CCDC171: variants seen among roughly 807,000 people sequenced by gnomAD.
CCDC171 encodes the protein coiled-coil domain-containing protein 171.
CCDC171 carries 177 observed loss-of-function variants against 168.2 expected under a neutral mutation model. That is an observed-to-expected ratio of 1.05 (90% confidence interval 0.93 to 1.19). The LOEUF is 1.19. Ranked by LOEUF, CCDC171 falls within the 50% of genes most tolerant of loss-of-function variation. CCDC171 has a pLI of 0.00. For missense variants in CCDC171, 1,991 were observed against 1,539.0 expected, an observed-to-expected ratio of 1.29 and a Z score of -4.91; for synonymous variants, 687 against 540.8, an observed-to-expected ratio of 1.27 and a Z score of -3.75.
At chr9:15,843,469 G>C (rs1040741701) in intron 21 of CCDC171, among the ~76,000 whole-genome samples, 1 of 151,662 alleles carries the variant, frequency 6.6e-6, no homozygotes, top group Non-Finnish European at 1.5e-5. Context: ...TTTTTTCTTG[G>C]TAAGTATTAA....
intron 21 of CCDC171, among the ~76,000 whole-genome samples, chr9:15,836,392 G>GTC (rs908555250): frequency 1.4e-4 from 21 of 152,126 alleles, no homozygotes; most frequent in Non-Finnish European, 4.4e-5. Context: ...TTGAAACGGA[G>GTC]TCTCTCTCTG....
At chr9:15,757,195 G>C (rs1268126802) in intron 18 of CCDC171, among the ~76,000 whole-genome samples, 1 of 152,226 alleles carries the variant, frequency 6.6e-6, no homozygotes, top group Non-Finnish European at 1.5e-5. Context: ...GAAAATGTGG[G>C]AAAATTTGGA....
At chr9:16,089,280 T>C in the CCDC171 span, among the ~76,000 whole-genome samples, 6 of 151,786 alleles carry the variant, frequency 4.0e-5, no homozygotes, top group Admixed American at 6.6e-5. Context: ...TAGGCAATAC[T>C]ATTCAGGATA....
At position 15,568,787 on chromosome 9, in the gene CCDC171, A is replaced by T. The variant is rs139083477; in HGVS notation, c.42-2837A>T. 5.2e-3 allele frequency among the ~76,000 whole-genome samples: 797 copies of T among 152,032 alleles called. 5 individuals carry two copies. The highest frequency in any genetic ancestry group is 0.019 in the African/African-American group (769 of 41,466). On this transcript the variant is annotated intron_variant, in intron 2 of 25. Transcript: ENST00000380701. ...GTAAATTTGTTTAAGTTGCTTATAG[A>T]TGCTGGATATTAGACCTTTGTCAGA...
At chr9:15,635,798 G>C (rs967262925) in intron 7 of CCDC171, among the ~76,000 whole-genome samples, 2 of 152,142 alleles carry the variant, frequency 1.3e-5, no homozygotes, top group African/African-American at 4.8e-5. Flanking sequence ...TTGTCTTTAT[G>C]ATATATCTAG....
chr9:15,812,199 G>A (rs371685963), intron 21 of CCDC171, among the ~76,000 whole-genome samples: 1 of 152,276 alleles, frequency 6.6e-6, no homozygotes, highest in East Asian at 1.9e-4. Flanking sequence ...TCAGCTCCAT[G>A]GCAAAGAAAC....
At chr9:15,922,828 G>A (rs1169993175) in intron 25 of CCDC171, among the ~76,000 whole-genome samples, 1 of 151,540 alleles carries the variant, frequency 6.6e-6, no homozygotes, top group Non-Finnish European at 1.5e-5. Context: ...GTGATATTGA[G>A]CATTTTTTCA....
chr9:15,846,909 T>G, intron 22 of CCDC171, 62 bp downstream of exon 22: 2 of 1,459,806 alleles, frequency 1.4e-6, no homozygotes, highest in South Asian at 1.3e-5. Flanking sequence ...CTTACTTTCA[T>G]GCTCCGGGTT....
intron 2 of CCDC171, among the ~76,000 whole-genome samples, chr9:15,569,057 C>T (rs900892284): frequency 2.0e-5 from 3 of 152,122 alleles, no homozygotes; most frequent in African/African-American, 7.2e-5. Context: ...TGTATAAAAC[C>T]TATTTATTTC....
chr9:15,651,295 G>T (rs1465823971), intron 7 of CCDC171, among the ~76,000 whole-genome samples: 2 of 152,060 alleles, frequency 1.3e-5, no homozygotes, highest in Admixed American at 1.3e-4. Flanking sequence ...TTTTAGTAGA[G>T]ACAGGGTTTT....
intron 23 of CCDC171, among the ~76,000 whole-genome samples, chr9:15,858,057 G>A (rs749942697): frequency 1.3e-5 from 2 of 151,686 alleles, no homozygotes; most frequent in Non-Finnish European, 2.9e-5. Flanking sequence ...TTACTCTTTT[G>A]CCCAGGCTGG....
intron 24 of CCDC171, chr9:15,888,944 C>CTTTTTTT (rs1819808895): frequency 1.7e-5 from 1 of 59,324 alleles, no homozygotes; most frequent in African/African-American, 5.4e-5. Context: ...CCTCATTTTT[C>CTTTTTTT]TTTTCTTTTT....
chr9:15,934,510 A>G (rs375781562), intron 25 of CCDC171, among the ~76,000 whole-genome samples: 1 of 152,140 alleles, frequency 6.6e-6, no homozygotes, highest in East Asian at 1.9e-4. Flanking sequence ...AAGGAAGATA[A>G]CAAGCATTGC....
At chr9:15,752,832 A>G (rs1225431309) in intron 18 of CCDC171, among the ~76,000 whole-genome samples, 1 of 152,110 alleles carries the variant, frequency 6.6e-6, no homozygotes, top group Non-Finnish European at 1.5e-5. Context: ...TGGCTCATAT[A>G]TACCTATATA....
intron 3 of CCDC171, among the ~76,000 whole-genome samples, chr9:15,989,805 G>T (rs2891004): frequency 6.7e-4 from 102 of 152,042 alleles, no homozygotes; most frequent in Non-Finnish European, 1.2e-3. Flanking sequence ...AGCTGATTCT[G>T]TCAACTGGAG....
chr9:15,807,205 C>A (rs2059120723), intron 21 of CCDC171, among the ~76,000 whole-genome samples: 1 of 152,172 alleles, frequency 6.6e-6, no homozygotes. Flanking sequence ...ATTCTGAATT[C>A]TATTTCTGTC....
intron 25 of CCDC171, among the ~76,000 whole-genome samples, chr9:15,955,468 T>C (rs1829698532): frequency 6.6e-6 from 1 of 152,120 alleles, no homozygotes; most frequent in Non-Finnish European, 1.5e-5. Flanking sequence ...CAAGGTTCTT[T>C]TTGCCTACCC....
chr9:15,589,805 A>T (rs1333353731), intron 4 of CCDC171, among the ~76,000 whole-genome samples: 1 of 152,244 alleles, frequency 6.6e-6, no homozygotes, highest in African/African-American at 2.4e-5. Context: ...ATTAGAATTA[A>T]AAAGACAGAG....
intron 21 of CCDC171, among the ~76,000 whole-genome samples, chr9:15,795,394 C>T (rs548531793): frequency 6.6e-6 from 1 of 152,274 alleles, no homozygotes; most frequent in South Asian, 2.1e-4. Context: ...GATTTTAACA[C>T]ATGAACTTTG....
Sources: gnomAD v4.1 joint callset for allele counts (sites outside exome capture counted in the v4.1 genomes callset) on GRCh38, gnomAD v4.1.1 for gene constraint, MANE v1.5 for transcripts, NCBI Gene and HGNC (gene_info 2026-07-23, HGNC 2026-07-21) for gene names.